PRSS23: variants seen among roughly 807,000 people sequenced by gnomAD.
The protein encoded by PRSS23 is serine protease 23, also known as protease, serine 23.
In PRSS23, 25 loss-of-function variants were observed where a neutral mutation model predicts 34.7. The observed-to-expected ratio is 0.72, with a 90% confidence interval of 0.53 to 1.01. The LOEUF (loss-of-function observed/expected upper bound fraction) is 1.01. Among genes scored for constraint, PRSS23 ranks in the 50% least tolerant of loss-of-function variants. PRSS23 has a pLI of 0.00. For synonymous variants in PRSS23, 176 were observed against 186.6 expected (o/e 0.94, Z 0.46); for missense variants, 445 against 475.6 (o/e 0.94, Z 0.60).
chr11:86,845,369 G>T (rs1386057605), intron 2 of PRSS23, among the ~76,000 whole-genome samples: 2 of 152,212 alleles, frequency 1.3e-5, no homozygotes, highest in East Asian at 3.8e-4. Context: ...CAGTTGAATT[G>T]TATGGAGATT....
At chr11:86,852,332 G>T (rs1376533108) in intron 2 of PRSS23, among the ~76,000 whole-genome samples, 3 of 152,170 alleles carry the variant, frequency 2.0e-5, no homozygotes, top group Non-Finnish European at 4.4e-5. Flanking sequence ...GGGGCTCAGG[G>T]CACAGAGCTC....
intron 2 of PRSS23, chr11:86,948,109 C>G (rs1480103697): frequency 6.6e-6 from 1 of 152,168 alleles, no homozygotes; most frequent in Non-Finnish European, 1.5e-5. Context: ...CTGATGCTTT[C>G]TGTTAAAACC....
At chr11:86,853,842 T>G (rs1251250041) in intron 2 of PRSS23, among the ~76,000 whole-genome samples, 3 of 152,216 alleles carry the variant, frequency 2.0e-5, no homozygotes, top group Non-Finnish European at 4.4e-5. Flanking sequence ...TTACGTTCCC[T>G]CCAATCATAT....
chr11:86,829,504 T>C (rs924964270), intron 2 of PRSS23, among the ~76,000 whole-genome samples: 1 of 152,256 alleles, frequency 6.6e-6, no homozygotes, highest in African/African-American at 2.4e-5. Context: ...AGTCATTCTC[T>C]GTCCAGCTTT....
rs879736795 is a variant in PRSS23 at position 86,825,762 on chromosome 11, G to C, written c.206+2169G>C. On this transcript the variant is annotated intron_variant, in intron 2 of 2. Transcript: ENST00000533902. ...AATCCTTTCCCCATTGCTTGTTTTT[G>C]TCAGGTTTGTCAAAGATCAGATAGT... 1.9e-3 allele frequency among the ~76,000 whole-genome samples: 287 copies of C among 151,270 alleles called. 3 individuals carry two copies. The highest frequency in any genetic ancestry group is 3.4e-3 in the Middle Eastern group (1 of 292).
At chr11:86,923,280 C>T (rs1284719420) in intron 2 of PRSS23, among the ~76,000 whole-genome samples, 2 of 152,054 alleles carry the variant, frequency 1.3e-5, no homozygotes, top group Non-Finnish European at 2.9e-5. Context: ...CACATTAACA[C>T]ACCCAGCTAA....
At chr11:86,829,957 G>T (rs565984518) in intron 2 of PRSS23, among the ~76,000 whole-genome samples, 1 of 152,204 alleles carries the variant, frequency 6.6e-6, no homozygotes, top group Non-Finnish European at 1.5e-5. Flanking sequence ...CCCACTTGAG[G>T]AGGCAGTCTG....
chr11:86,871,980 A>G (rs1164661400), intron 2 of PRSS23, among the ~76,000 whole-genome samples: 2 of 152,236 alleles, frequency 1.3e-5, no homozygotes, highest in African/African-American at 2.4e-5. Context: ...AACTAAAGCT[A>G]TCTCAAATGG....
At chr11:86,943,432 C>T (rs1949219089) in intron 2 of PRSS23, among the ~76,000 whole-genome samples, 2 of 152,164 alleles carry the variant, frequency 1.3e-5, no homozygotes, top group Admixed American at 1.3e-4. Context: ...CAAGACCAGC[C>T]TGGCCAACAT....
intron 2 of PRSS23, among the ~76,000 whole-genome samples, chr11:86,892,047 G>C (rs1458974298): frequency 6.6e-6 from 1 of 152,170 alleles, no homozygotes; most frequent in Non-Finnish European, 1.5e-5. Flanking sequence ...TTCCTGTGCT[G>C]AACTTGATCT....
At chr11:86,878,139 T>A (rs1332713218) in intron 2 of PRSS23, among the ~76,000 whole-genome samples, 1 of 152,184 alleles carries the variant, frequency 6.6e-6, no homozygotes, top group Non-Finnish European at 1.5e-5. Flanking sequence ...AAATTGTTTT[T>A]TAAGTTTCAT....
intron 2 of PRSS23, among the ~76,000 whole-genome samples, chr11:86,894,974 C>T (rs1948865013): frequency 6.6e-6 from 1 of 152,120 alleles, no homozygotes; most frequent in South Asian, 2.1e-4. Flanking sequence ...CAGGACAAAG[C>T]CAAAGAAAGG....
intron 1 of PRSS23, among the ~76,000 whole-genome samples, chr11:86,794,050 A>G (rs2135588657): frequency 6.6e-6 from 1 of 152,340 alleles, no homozygotes; most frequent in East Asian, 1.9e-4. Flanking sequence ...GAGAAACCTC[A>G]TAAAAGACCC....
intron 2 of PRSS23, among the ~76,000 whole-genome samples, chr11:86,862,597 G>T (rs1171319793): frequency 6.6e-6 from 1 of 151,590 alleles, no homozygotes. Flanking sequence ...TGTCACAGGG[G>T]GTGTAAACCC....
intron 2 of PRSS23, among the ~76,000 whole-genome samples, chr11:86,913,633 G>A (rs867188491): frequency 6.6e-6 from 1 of 151,628 alleles, no homozygotes; most frequent in African/African-American, 2.4e-5. Flanking sequence ...GCAATCAAGT[G>A]CAATGAAAGT....
At chr11:86,914,056 A>AAAC (rs1231884610) in intron 2 of PRSS23, among the ~76,000 whole-genome samples, 8 of 151,102 alleles carry the variant, frequency 5.3e-5, no homozygotes, top group Non-Finnish European at 7.4e-5. Flanking sequence ...AAAAAAAAAA[A>AAAC]AAAAACCTCA....
chr11:86,937,269 A>G (rs1422918283), intron 2 of PRSS23: 1 of 152,254 alleles, frequency 6.6e-6, no homozygotes, highest in African/African-American at 2.4e-5. Context: ...AGACAGGTGT[A>G]TGTAAAATAT....
intron 2 of PRSS23, among the ~76,000 whole-genome samples, chr11:86,838,664 CCT>C (rs1948425099): frequency 6.6e-6 from 1 of 152,204 alleles, no homozygotes; most frequent in South Asian, 2.1e-4. Flanking sequence ...AGACATACTG[CCT>C]CCTCAAGTGG....
chr11:86,826,413 A>G (rs1272952100), intron 2 of PRSS23, among the ~76,000 whole-genome samples: 2 of 152,218 alleles, frequency 1.3e-5, no homozygotes, highest in Non-Finnish European at 1.5e-5. Context: ...GGGGTTTTCT[A>G]GATATACAAT....
Sources: gnomAD v4.1 joint callset for allele counts (sites outside exome capture counted in the v4.1 genomes callset) on GRCh38, gnomAD v4.1.1 for gene constraint, MANE v1.5 for transcripts, NCBI Gene and HGNC (gene_info 2026-07-23, HGNC 2026-07-21) for gene names.